Variants in ZC3H6 observed in about 807,000 individuals in gnomAD.
The protein encoded by ZC3H6 is zinc finger CCCH-type containing 6, also known as zinc finger CCCH domain-containing protein 6.
Under a neutral mutation model 107.7 loss-of-function variants are expected in ZC3H6, and 40 were observed. The ratio of observed to expected loss-of-function variants is 0.37; its 90% CI spans 0.29 to 0.48. The LOEUF is 0.48. Among genes scored for constraint, ZC3H6 ranks in the 20% least tolerant of loss-of-function variants. The pLI is 0.98. For missense variants in ZC3H6, 1,267 were observed against 1,410.4 expected, an observed-to-expected ratio of 0.90 and a Z score of 1.63; for synonymous variants, 493 against 487.9, an observed-to-expected ratio of 1.01 and a Z score of -0.14.
intron 7 of ZC3H6, 67 bp from the exon 8 acceptor site, chr2:112,321,689 A>G: frequency 1.3e-6 from 1 of 766,506 alleles, no homozygotes; most frequent in Non-Finnish European, 2.1e-6. Context: ...TAACAGTTGT[A>G]GGTTTTGGTT....
Position 112,324,135 on chromosome 2 carries a change from A to G in ZC3H6, c.1341-17A>G. On this transcript the variant is annotated splice_polypyrimidine_tract_variant and intron_variant, in intron 9 of 11. Coordinates refer to ENST00000409871, the MANE Select transcript of ZC3H6 (RefSeq NM_198581.3). ...CTTTTTCTTTGAACTAAGAAATATT[A>G]TTATTTCTGTCTACAGGCCACCAGC... The G allele has an allele frequency of 6.5e-7, 1 of 1,536,316 alleles. No individual in the cohort carries two copies. The highest frequency in any genetic ancestry group is 8.8e-7 in the Non-Finnish European group (1 of 1,140,904).
intron 1 of ZC3H6, among the ~76,000 whole-genome samples, chr2:112,277,033 G>A (rs1333740441): frequency 1.3e-5 from 2 of 152,040 alleles, no homozygotes; most frequent in Non-Finnish European, 2.9e-5. Context: ...TGATCGGCTT[G>A]GTAAAGCATC....
At chr2:112,312,652 G>A (rs1356251338) in intron 5 of ZC3H6, among the ~76,000 whole-genome samples, 2 of 152,126 alleles carry the variant, frequency 1.3e-5, no homozygotes, top group African/African-American at 4.8e-5. Flanking sequence ...CCTGAGGTCA[G>A]GAGTTCAAGA....
intron 1 of ZC3H6, among the ~76,000 whole-genome samples, chr2:112,291,634 G>A (rs767689807): frequency 2.6e-5 from 4 of 152,174 alleles, no homozygotes; most frequent in Non-Finnish European, 4.4e-5. Flanking sequence ...TAAGTAATGA[G>A]TTCAGTGTTT....
intron 2 of ZC3H6, 127 bp from the exon 3 acceptor site, chr2:112,303,102 C>T: frequency 8.1e-7 from 1 of 1,228,704 alleles, no homozygotes; most frequent in Non-Finnish European, 1.1e-6. Context: ...TTCAGTAGTA[C>T]TTCAGAGTCT....
chr2:112,291,240 CT>C (rs774040850), intron 1 of ZC3H6, among the ~76,000 whole-genome samples: 15,302 of 148,564 alleles, frequency 0.1, 542 homozygotes, highest in Non-Finnish European at 0.15. Flanking sequence ...CAATAAAATA[CT>C]TTTTTTTTTT....
chr2:112,291,449 G>T (rs1558947661), intron 1 of ZC3H6, among the ~76,000 whole-genome samples: 2 of 152,220 alleles, frequency 1.3e-5, no homozygotes, highest in Non-Finnish European at 2.9e-5. Context: ...GGCCAGGCTG[G>T]TCTCGAACTC....
chr2:112,280,316 A>T (rs1402891680), intron 1 of ZC3H6, among the ~76,000 whole-genome samples: 1 of 152,080 alleles, frequency 6.6e-6, no homozygotes, highest in East Asian at 1.9e-4. Context: ...ACTAAAGGAA[A>T]TTTTTCTTTA....
intron 7 of ZC3H6, among the ~76,000 whole-genome samples, chr2:112,318,596 C>T (rs1010487343): frequency 2.0e-5 from 3 of 152,090 alleles, no homozygotes; most frequent in African/African-American, 7.2e-5. Flanking sequence ...AGCTGTGTCA[C>T]GTTTGCAAAA....
chr2:112,316,947 C>T (rs1015712740), intron 6 of ZC3H6, among the ~76,000 whole-genome samples: 4 of 152,186 alleles, frequency 2.6e-5, no homozygotes, highest in East Asian at 3.8e-4. Context: ...CCCATGGTAG[C>T]TCAGCAAGAA....
At chr2:112,305,206 C>A (rs994082962) in intron 3 of ZC3H6, among the ~76,000 whole-genome samples, 2 of 152,056 alleles carry the variant, frequency 1.3e-5, no homozygotes, top group Admixed American at 6.6e-5. Flanking sequence ...GAGACTCTTA[C>A]AATGAATGAA....
chr2:112,283,933 G>A, intron 1 of ZC3H6, among the ~76,000 whole-genome samples: 1 of 152,216 alleles, frequency 6.6e-6, no homozygotes, highest in Non-Finnish European at 1.5e-5. Context: ...GTATAAGGAT[G>A]TTAATAATCT....
chr2:112,289,791 A>G (rs1676065970), intron 1 of ZC3H6, among the ~76,000 whole-genome samples: 1 of 152,186 alleles, frequency 6.6e-6, no homozygotes, highest in Non-Finnish European at 1.5e-5. Flanking sequence ...CCCAGGCTGA[A>G]ATACAATGGC....
At position 112,325,026 on chromosome 2, in the gene ZC3H6, C is replaced by A; in HGVS notation, c.1915C>A (p.His639Asn). Residue 639 changes from histidine (H) to asparagine (N), a missense_variant, in exon 11 of 12, where the codon CAT (histidine) becomes AAT (asparagine). By Grantham distance (68) the His-to-Asn change is moderately conservative. This residue lies in a region of ZC3H6 where 925 missense variants were observed against 1,025.7 expected (regional missense o/e 0.90). Coordinates refer to ENST00000409871, the MANE Select transcript of ZC3H6 (RefSeq NM_198581.3). ...TCCTGTTGTTCAAGACTCACCTAAC[C>A]ATGGGAGTGGGTCTGATGGCAGCAG... ...QPPVVQDSPN[H>N]GSGSDGSSTR... 2.5e-6 allele frequency: 4 copies of A among 1,613,382 alleles called. No individual in the cohort carries two copies. Among genetic ancestry groups the A allele is most frequent in the Non-Finnish European group, 3.4e-6 (4 of 1,179,600 alleles).
At chr2:112,322,165 TCTTG>T (rs1267324856) in intron 8 of ZC3H6, among the ~76,000 whole-genome samples, 1 of 145,898 alleles carries the variant, frequency 6.9e-6, no homozygotes, top group Admixed American at 7.0e-5. Flanking sequence ...CCTCCCTCCC[TCTTG>T]CTTGCTTGCT....
At chr2:112,288,019 G>T (rs1366830990) in intron 1 of ZC3H6, among the ~76,000 whole-genome samples, 1 of 152,208 alleles carries the variant, frequency 6.6e-6, no homozygotes, top group African/African-American at 2.4e-5. Flanking sequence ...ATTAACATCT[G>T]TTGTCACCAT....
intron 7 of ZC3H6, among the ~76,000 whole-genome samples, chr2:112,319,893 GGTAT>G (rs1359216376): frequency 1.3e-5 from 2 of 151,974 alleles, no homozygotes; most frequent in Admixed American, 1.3e-4. Flanking sequence ...TTTCTATGCT[GGTAT>G]GTATGTATGA....
intron 1 of ZC3H6, among the ~76,000 whole-genome samples, chr2:112,285,471 C>G (rs1479976341): frequency 6.6e-6 from 1 of 152,094 alleles, no homozygotes; most frequent in South Asian, 2.1e-4. Flanking sequence ...ATTCCCCTCC[C>G]TTAGCCTCCT....
In ZC3H6 at chr2:112,338,505, A is replaced by G. The variant is rs947927369; in HGVS notation, c.*6017A>G. 1.3e-5 allele frequency: 2 copies of G among 152,200 alleles called. No individual in the cohort carries two copies. The highest frequency in any genetic ancestry group is 2.4e-5 in the African/African-American group (1 of 41,464). 9.4% of individuals were successfully genotyped at this position (152,200 alleles called of 1,614,324 possible). A position where few individuals can be genotyped will look rare whatever the true frequency, so the allele number is the denominator to read the frequency against. ...TCAAAGAAGATTGTGAGTTCTTGGA[A>G]TAGTATTTTACAGCGTTGTTTATTC... On this transcript the variant is annotated 3_prime_UTR_variant, in exon 12 of 12. Coordinates refer to ENST00000409871, the MANE Select transcript of ZC3H6 (RefSeq NM_198581.3).
Sources: gnomAD v4.1 joint callset for allele counts (sites outside exome capture counted in the v4.1 genomes callset) on GRCh38, gnomAD v4.1.1 for gene constraint, gnomAD v4.1.1 regional missense constraint, MANE v1.5 for transcripts, NCBI Gene and HGNC (gene_info 2026-07-23, HGNC 2026-07-21) for gene names.